Variants in NAALADL2 observed in about 807,000 individuals in gnomAD.
NAALADL2 encodes the protein N-acetylated alpha-linked acidic dipeptidase like 2.
In NAALADL2, 76 loss-of-function variants were observed where a neutral mutation model predicts 87.2. That is an observed-to-expected ratio of 0.87 (90% CI 0.72 to 1.05). The LOEUF (loss-of-function observed/expected upper bound fraction) is 1.05. Among genes scored for constraint, NAALADL2 ranks in the 50% least tolerant of loss-of-function variants. The pLI, the probability that NAALADL2 is intolerant of heterozygous loss-of-function variation, is 0.00. For synonymous variants in NAALADL2, 354 were observed against 331.0 expected (o/e 1.07, Z -0.75); for missense variants, 1,089 against 945.8 (o/e 1.15, Z -1.99).
At position 174,962,381 on chromosome 3, in the gene NAALADL2, T is replaced by TATATGTCATAGTGACTATGAC. The variant is rs1742178568; in HGVS notation, c.43+102935_43+102936insGTCATAGTGACTATGACATAT. Among the ~76,000 whole-genome samples, 7 of 114,876 alleles carry TATATGTCATAGTGACTATGAC rather than the reference T, an allele frequency of 6.1e-5. 1 individual carries two copies. The highest frequency in any genetic ancestry group is 2.9e-4 in the African/African-American group (6 of 20,782). 75.4% of individuals were successfully genotyped at this position (114,876 alleles called of 152,430 possible). A position where few individuals can be genotyped will look rare whatever the true frequency, so the allele number is the denominator to read the frequency against. On this transcript the variant is annotated intron_variant, in intron 1 of 13. Transcript: ENST00000454872. ...TCATAGTGACTATGACATATATATA[T>TATATGTCATAGTGACTATGAC]ATATATATATATATGTCATAGTGAC... is the stretch of plus-strand genomic sequence containing the variant.
At chr3:175,092,258 T>A (rs908416743) in intron 1 of NAALADL2, among the ~76,000 whole-genome samples, 17 of 151,860 alleles carry the variant, frequency 1.1e-4, no homozygotes, top group Non-Finnish European at 1.0e-4. Flanking sequence ...AGCATAAGTA[T>A]TAAGTGTCTG....
At chr3:174,614,803 T>C (rs867176176) in intron 2 of NAALADL2, among the ~76,000 whole-genome samples, 4 of 152,186 alleles carry the variant, frequency 2.6e-5, no homozygotes, top group Non-Finnish European at 5.9e-5. Flanking sequence ...TTTGTTGTTG[T>C]TTTTTTAGAA....
chr3:175,614,130 G>A (rs996056817), intron 10 of NAALADL2, among the ~76,000 whole-genome samples: 2 of 152,102 alleles, frequency 1.3e-5, no homozygotes, highest in African/African-American at 4.8e-5. Context: ...TCAGCTCACC[G>A]CAACCTCCAC....
At chr3:175,249,311 AG>A (rs1198073886) in intron 3 of NAALADL2, among the ~76,000 whole-genome samples, 1 of 152,030 alleles carries the variant, frequency 6.6e-6, no homozygotes, top group Non-Finnish European at 1.5e-5. Flanking sequence ...ATTTGTGAAA[AG>A]TTTGATATTT....
chr3:175,695,691 AT>A (rs1737681828), intron 11 of NAALADL2, among the ~76,000 whole-genome samples: 1 of 152,290 alleles, frequency 6.6e-6, no homozygotes, highest in Non-Finnish European at 1.5e-5. Context: ...AATTAAAAAA[AT>A]ATTTCCTTAA....
In NAALADL2 at chr3:174,692,913, G is replaced by GAAA. The variant is rs1374249295; in HGVS notation, c.-114-44728_-114-44727insAAA. Among the ~76,000 whole-genome samples the GAAA allele has an allele frequency of 1.7e-4, 16 of 95,000 alleles. No homozygotes were observed. The South Asian group carries it at 4.6e-3, about 27-fold the overall frequency. The allele number at this position is 95,000 out of a possible 152,430, so 62.3% of individuals were successfully genotyped here. Reference sequence around the variant, plus strand: ...ACTCAACTTGATAATAAAATTATTGGTATAAAAGGTTCTATTTGTAGGGAC... The same window carrying GAAA: ...ACTCAACTTGATAATAAAATTATTGGAAATATAAAAGGTTCTATTTGTAGGGAC... On this transcript the variant is annotated intron_variant, in intron 2 of 3. Transcript: ENST00000434257.
chr3:174,684,986 C>T (rs1427350553), intron 2 of NAALADL2, among the ~76,000 whole-genome samples: 1 of 152,028 alleles, frequency 6.6e-6, no homozygotes, highest in Non-Finnish European at 1.5e-5. Flanking sequence ...CATCTCTTTA[C>T]CTTTTAGATA....
intron 2 of NAALADL2, among the ~76,000 whole-genome samples, chr3:174,600,084 CA>C (rs1012844526): frequency 3.1e-4 from 47 of 151,172 alleles, no homozygotes; most frequent in African/African-American, 6.1e-4. Context: ...CTATTTTTTT[CA>C]AAAAAAACTA....
intron 9 of NAALADL2, among the ~76,000 whole-genome samples, chr3:175,564,749 A>G (rs1716833638): frequency 6.6e-6 from 1 of 152,200 alleles, no homozygotes; most frequent in Admixed American, 6.5e-5. Flanking sequence ...GCTTTTATCC[A>G]GGTGTCTGGT....
At chr3:175,510,914 G>A (rs1731059866) in intron 9 of NAALADL2, among the ~76,000 whole-genome samples, 1 of 152,084 alleles carries the variant, frequency 6.6e-6, no homozygotes, top group Admixed American at 6.6e-5. Flanking sequence ...GCTCTTAACA[G>A]GGTGCCTCTC....
chr3:174,997,926 T>TTGG (rs1328792061), intron 1 of NAALADL2, among the ~76,000 whole-genome samples: 1 of 151,886 alleles, frequency 6.6e-6, no homozygotes, highest in Admixed American at 6.6e-5. Context: ...ACAAAAAAGA[T>TTGG]TGGTGACAAC....
At chr3:174,839,736 T>A (rs1034813948) in intron 3 of NAALADL2, among the ~76,000 whole-genome samples, 2 of 151,404 alleles carry the variant, frequency 1.3e-5, no homozygotes, top group Non-Finnish European at 2.9e-5. Flanking sequence ...CCATCAAACA[T>A]GAAAAACATG....
At chr3:175,365,074 T>C (rs1336648583) in intron 5 of NAALADL2, among the ~76,000 whole-genome samples, 1 of 147,620 alleles carries the variant, frequency 6.8e-6, no homozygotes, top group African/African-American at 2.5e-5. Flanking sequence ...TTTAAGTCAC[T>C]ATTTGGAAAT....
At chr3:175,050,938 A>T (rs1755305677) in intron 1 of NAALADL2, among the ~76,000 whole-genome samples, 1 of 152,226 alleles carries the variant, frequency 6.6e-6, no homozygotes, top group Non-Finnish European at 1.5e-5. Context: ...GAATAAAAAA[A>T]ATAATAGAGG....
intron 1 of NAALADL2, among the ~76,000 whole-genome samples, chr3:175,073,591 T>C (rs964901612): frequency 6.6e-6 from 1 of 152,068 alleles, no homozygotes; most frequent in African/African-American, 2.4e-5. Flanking sequence ...TTTTTAACCT[T>C]GTTACTGGCA....
intron 1 of NAALADL2, among the ~76,000 whole-genome samples, chr3:174,929,050 T>C (rs995324434): frequency 2.6e-5 from 4 of 152,160 alleles, no homozygotes; most frequent in African/African-American, 9.7e-5. Flanking sequence ...GAGATATGCA[T>C]CTCTTAGGAG....
chr3:174,615,982 A>T (rs916162436), intron 2 of NAALADL2, among the ~76,000 whole-genome samples: 1 of 151,990 alleles, frequency 6.6e-6, no homozygotes, highest in African/African-American at 2.4e-5. Context: ...ACTCCAAAGC[A>T]CAGAAGTGAA....
Position 175,719,164 on chromosome 3 carries a change from A to T in NAALADL2, c.1897-18142A>T, listed in dbSNP as rs181205086. On this transcript the variant is annotated intron_variant, in intron 11 of 13. Coordinates refer to ENST00000454872, the MANE Select transcript of NAALADL2 (RefSeq NM_207015.3). ...AGCAGGGGTGATTTTGCCCCCAGGG[A>T]ACATCGGCAATGTCTGGAGACATCT... is the stretch of plus-strand genomic sequence containing the variant. Among the ~76,000 whole-genome samples the T allele has an allele frequency of 1.3e-3, 197 of 152,044 alleles. 1 individual carries two copies. Among genetic ancestry groups the T allele is most frequent in the Non-Finnish European group, 5.0e-4 (34 of 67,982 alleles).
intron 2 of NAALADL2, among the ~76,000 whole-genome samples, chr3:174,648,834 G>C (rs575778089): frequency 9.2e-5 from 14 of 152,214 alleles, no homozygotes; most frequent in Admixed American, 7.8e-4. Context: ...TTGCATGCCT[G>C]TATCTGTAGA....
Sources: allele counts gnomAD v4.1 joint callset (sites outside exome capture counted in the v4.1 genomes callset), GRCh38; gene constraint gnomAD v4.1.1; transcripts MANE v1.5; gene names NCBI Gene and HGNC (gene_info 2026-07-23, HGNC 2026-07-21).